COA6: variants seen among roughly 807,000 people sequenced by gnomAD.
COA6 encodes cytochrome c oxidase assembly factor 6 homolog.
A neutral mutation model predicts 17.1 loss-of-function variants in COA6; 12 were observed. The observed-to-expected ratio is 0.70, with a 90% CI of 0.45 to 1.14. The LOEUF (loss-of-function observed/expected upper bound fraction) is 1.14, where lower values mean the gene tolerates loss of function less well. COA6 is among the 50% of genes most tolerant of loss of function. COA6 has a pLI of 0.00. For missense variants in COA6, 246 were observed against 196.5 expected (o/e 1.25, Z -1.51); for synonymous variants, 90 against 73.4 (o/e 1.23, Z -1.16).
chr1:234,374,409 G>A lies in COA6; in HGVS notation c.372+20G>A. On this transcript the variant is annotated intron_variant, in intron 2 of 2. Coordinates refer to ENST00000366615, the MANE Select transcript of COA6 (RefSeq NM_001206641.3). ...CAGTGGGTAAGTCACACTTTGATGT[G>A]TTTCTCTTCCCTGTTAAGATACATC... 1 of 1,613,068 alleles carries A rather than the reference G, an allele frequency of 6.2e-7. No homozygotes were observed. Among genetic ancestry groups the A allele is most frequent in the African/African-American group, 1.3e-5 (1 of 74,980 alleles).
rs1351955778 is a variant in COA6, at chr1:234,384,504, C to T, written c.*686C>T. Among the ~76,000 whole-genome samples the T allele has an allele frequency of 2.0e-5, 3 of 152,080 alleles. No homozygotes were observed. The highest frequency in any genetic ancestry group is 4.4e-5 in the Non-Finnish European group (3 of 68,016). ...TTGCAGGAAACAAGGTCAATATACA[C>T]AAGGAAAATTATATTCCTATATATC... On this transcript the variant is annotated 3_prime_UTR_variant, in exon 3 of 3. Transcript: ENST00000366615.
chr1:234,378,929 G>A (rs1422127815), intron 2 of COA6, among the ~76,000 whole-genome samples: 1 of 151,514 alleles, frequency 6.6e-6, no homozygotes, highest in Non-Finnish European at 1.5e-5. Context: ...CTGCACCGAT[G>A]TGTTTAAGGG....
intron 1 of COA6, 113 bp from the exon 2 acceptor site, chr1:234,374,117 T>G (rs935017440): frequency 1.6e-4 from 173 of 1,110,808 alleles, no homozygotes; most frequent in South Asian, 6.8e-4. Flanking sequence ...TTTTTGTTTT[T>G]TTTTTTTTTT....
At chr1:234,374,006 C>A in intron 1 of COA6, 1 of 988,816 alleles carries the variant, frequency 1.0e-6, no homozygotes, top group Non-Finnish European at 1.5e-6. Context: ...TCAAATCACA[C>A]AGTGTGAGAT....
In COA6 at chr1:234,373,489, A is replaced by G; in HGVS notation, c.23A>G (p.Lys8Arg). MVARKGQ[K>R]SPRFRRVSCF... ...TAAATGGTAGCTCGGAAGGGTCAAA[A>G]GAGTCCGCGGTTTCGCCGCGTGAGT... Residue 8 changes from lysine (K) to arginine (R), a missense_variant, in exon 1 of 3, where the codon AAG (lysine) becomes AGG (arginine). Physicochemically the swap from Lys to Arg is conservative, Grantham distance 26. Transcript: ENST00000366615. The G allele has an allele frequency of 1.9e-6, 3 of 1,582,066 alleles. No individual in the cohort carries two copies. The highest frequency in any genetic ancestry group is 1.1e-5 in the South Asian group (1 of 88,010).
intron 2 of COA6, among the ~76,000 whole-genome samples, chr1:234,378,646 G>A (rs1191469958): frequency 6.6e-6 from 1 of 152,164 alleles, no homozygotes; most frequent in Non-Finnish European, 1.5e-5. Context: ...GGCCGAGGTG[G>A]GCGGATCACC....
chr1:234,376,317 T>A (rs1658791035), intron 2 of COA6, among the ~76,000 whole-genome samples: 1 of 152,204 alleles, frequency 6.6e-6, no homozygotes, highest in South Asian at 2.1e-4. Flanking sequence ...ACCAGCCATT[T>A]GGTTCTTGAT....
intron 2 of COA6, 135 bp downstream of exon 2, chr1:234,374,524 C>T: frequency 2.4e-6 from 2 of 817,832 alleles, no homozygotes; most frequent in Non-Finnish European, 3.8e-6. Context: ...AAAACCTTGC[C>T]TGGTAATTCA....
At chr1:234,377,026 G>T (rs2103016697) in intron 2 of COA6, among the ~76,000 whole-genome samples, 1 of 150,388 alleles carries the variant, frequency 6.6e-6, no homozygotes, top group Admixed American at 6.6e-5. Flanking sequence ...CCCTCATCCT[G>T]GCTTGTAGAC....
At chr1:234,379,119 A>T (rs1225450783) in intron 2 of COA6, among the ~76,000 whole-genome samples, 4 of 149,264 alleles carry the variant, frequency 2.7e-5, no homozygotes, top group African/African-American at 7.4e-5. Context: ...GACTCAAGCG[A>T]TCTGCCCATC....
chr1:234,383,922 C>T lies in COA6; in HGVS notation c.*104C>T. 1 of 536,818 alleles carries T rather than the reference C, an allele frequency of 1.9e-6. No individual in the cohort carries two copies. Among genetic ancestry groups the T allele is most frequent in the East Asian group, 2.9e-5 (1 of 34,476 alleles). The allele number at this position is 536,818 out of a possible 1,614,324, so 33.3% of individuals were successfully genotyped here. On this transcript the variant is annotated 3_prime_UTR_variant, in exon 3 of 3. Transcript: ENST00000366615. ...CATAGTGAACATCAATACTTGTTCCCTATATACGACACTTGATAATTAAGA... is the reference window on the plus strand; with the variant it reads ...CATAGTGAACATCAATACTTGTTCCTTATATACGACACTTGATAATTAAGA...
chr1:234,377,199 T>A (rs1239072890), intron 2 of COA6, among the ~76,000 whole-genome samples: 1 of 150,016 alleles, frequency 6.7e-6, no homozygotes, highest in Non-Finnish European at 1.5e-5. Flanking sequence ...TGATCTCAGC[T>A]CACTGCAACC....
chr1:234,382,734 G>T (rs555761007), intron 2 of COA6, among the ~76,000 whole-genome samples: 1 of 152,192 alleles, frequency 6.6e-6, no homozygotes, highest in Non-Finnish European at 1.5e-5. Context: ...TCCAGGCTCA[G>T]TGTGGTGGCT....
At chr1:234,374,459 T>C in intron 2 of COA6, 70 bp downstream of exon 2, 1 of 1,492,352 alleles carries the variant, frequency 6.7e-7, no homozygotes, top group Non-Finnish European at 9.2e-7. Flanking sequence ...AGTGGTAGGC[T>C]GACATGAAGC....
intron 1 of COA6, 46 bp from the exon 2 acceptor site, chr1:234,374,184 G>T (rs1293184478): frequency 6.5e-7 from 1 of 1,543,964 alleles, no homozygotes. Context: ...CTTCTCTTCA[G>T]ATTACAAAGT....
At position 234,383,802 on chromosome 1, in the gene COA6, C is replaced by G; in HGVS notation, c.452C>G (p.Thr151Arg). The change falls in exon 3 of 3, where the codon ACA becomes AGA. Residue 151 changes from threonine to arginine, a missense_variant. Transcript: ENST00000366615. ...FEAGQFEPSE[T>R]TAKS The stretch of plus-strand genomic sequence containing the variant: ...GCAGGACAATTTGAGCCTTCAGAAA[C>G]AACTGCAAAATCCTAGGCTGTTCAT... 1 of 1,567,268 alleles carries G rather than the reference C, an allele frequency of 6.4e-7. No individual in the cohort carries two copies. The highest frequency in any genetic ancestry group is 2.2e-5 in the East Asian group (1 of 44,538).
intron 1 of COA6, chr1:234,373,926 C>G: frequency 6.9e-7 from 1 of 1,459,814 alleles, no homozygotes; most frequent in South Asian, 1.3e-5. Context: ...ATGAGCTGCC[C>G]TAAGCGACTG....
intron 2 of COA6, among the ~76,000 whole-genome samples, chr1:234,382,803 G>A (rs1348994250): frequency 6.6e-6 from 1 of 152,074 alleles, no homozygotes; most frequent in African/African-American, 2.4e-5. Flanking sequence ...TCAGGAGTTC[G>A]AGACCAGCCT....
chr1:234,383,597 C>CAA, intron 2 of COA6, 126 bp from the exon 3 acceptor site: 2 of 582,448 alleles, frequency 3.4e-6, no homozygotes, highest in East Asian at 2.9e-5. Flanking sequence ...CACACACACA[C>CAA]AAAATGGTTC....
Sources: allele counts gnomAD v4.1 joint callset (sites outside exome capture counted in the v4.1 genomes callset), GRCh38; gene constraint gnomAD v4.1.1; transcripts MANE v1.5; gene names NCBI Gene and HGNC (gene_info 2026-07-23, HGNC 2026-07-21).